Variants in ZNF236 observed in about 807,000 individuals in gnomAD.
ZNF236 encodes the protein regulated by glucose.
In ZNF236, 50 loss-of-function variants were observed where a neutral mutation model predicts 191.2. The ratio of observed to expected loss-of-function variants is 0.26; its 90% CI spans 0.21 to 0.33. The LOEUF (loss-of-function observed/expected upper bound fraction) is 0.33. ZNF236 is among the 10% of genes least tolerant of loss of function. ZNF236 has a pLI of 1.00. For synonymous variants in ZNF236, 907 were observed against 928.8 expected (o/e 0.98, Z 0.43); for missense variants, 1,754 against 2,374.5 (o/e 0.74, Z 5.43).
chr18:76,870,589 G>A (rs924804227), intron 4 of ZNF236, among the ~76,000 whole-genome samples: 1 of 152,200 alleles, frequency 6.6e-6, no homozygotes, highest in East Asian at 1.9e-4. Context: ...CACAGTTTCA[G>A]ATAGTGGTGA....
At position 76,968,206 on chromosome 18, in the gene ZNF236, G is replaced by A; in HGVS notation, c.5420-9G>A. ...GAGGCTGCTTGTGTTTTCTTTGTCT[G>A]CATAACAGGAGCTCTGCAGGAGTCT... On this transcript the variant is annotated splice_polypyrimidine_tract_variant and intron_variant, in intron 30 of 30. Coordinates refer to ENST00000320610, the MANE Select transcript of ZNF236 (RefSeq NM_001306089.2). 6.2e-7 allele frequency: 1 copy of A among 1,613,712 alleles called. No homozygotes were observed. The highest frequency in any genetic ancestry group is 8.5e-7 in the Non-Finnish European group (1 of 1,179,850).
intron 3 of ZNF236, among the ~76,000 whole-genome samples, chr18:76,861,100 G>A (rs956852768): frequency 1.3e-5 from 2 of 152,138 alleles, no homozygotes; most frequent in Admixed American, 6.5e-5. Flanking sequence ...ATGAGCAGAG[G>A]GGAAAAAGGC....
At chr18:76,959,019 T>C (rs544920747) in intron 28 of ZNF236, among the ~76,000 whole-genome samples, 8 of 152,256 alleles carry the variant, frequency 5.3e-5, no homozygotes, top group Admixed American at 5.2e-4. Context: ...TTGCACATCC[T>C]CAGGTGCCTG....
rs761205406 is a variant in ZNF236, at chr18:76,912,336, G to A, written c.2898G>A (p.Arg966=). The part of the protein sequence containing the change: ...QFLEDNEDQS[R]RSYRCDYCNK... ...TGGAGGACAACGAGGACCAGAGCAG[G>A]CGCTCTTACAGGTAGTTGTCTGCAC... The change falls in exon 17 of 31, where the codon AGG becomes AGA. Residue 966 remains arginine, a synonymous_variant. Transcript: ENST00000320610. 1.9e-6 allele frequency: 3 copies of A among 1,613,674 alleles called. No individual in the cohort carries two copies. The East Asian group carries it at 6.7e-5, about 36-fold the overall frequency.
intron 11 of ZNF236, among the ~76,000 whole-genome samples, chr18:76,903,434 C>A (rs140416019): frequency 2.6e-5 from 4 of 152,108 alleles, no homozygotes; most frequent in South Asian, 2.1e-4. Context: ...GAAATTGAAA[C>A]GGAATCTGTA....
At chr18:76,836,671 G>A (rs972530866) in intron 1 of ZNF236, among the ~76,000 whole-genome samples, 51 of 151,296 alleles carry the variant, frequency 3.4e-4, no homozygotes, top group Non-Finnish European at 5.5e-4. Flanking sequence ...TCTGCTTCCC[G>A]GGTTCATGCC....
rs149021996 is a variant in ZNF236 at position 76,945,368 on chromosome 18, G to A, written c.4783-2153G>A. Reference sequence around the variant, plus strand: ...TTTTTCAAATTGGGTAGTCTGATAAGGGTGGTGGCAGCAGCTGTCAACAGA... The same window carrying A: ...TTTTTCAAATTGGGTAGTCTGATAAAGGTGGTGGCAGCAGCTGTCAACAGA... On this transcript the variant is annotated intron_variant, in intron 26 of 30. Transcript: ENST00000320610. Among the ~76,000 whole-genome samples, 340 of 152,334 alleles carry A rather than the reference G, an allele frequency of 2.2e-3. 2 individuals are homozygous for A. The highest frequency in any genetic ancestry group is 3.5e-3 in the Non-Finnish European group (240 of 68,028).
At chr18:76,879,422 C>T (rs992429577) in intron 7 of ZNF236, among the ~76,000 whole-genome samples, 7 of 152,128 alleles carry the variant, frequency 4.6e-5, no homozygotes, top group Admixed American at 2.0e-4. Flanking sequence ...AACTGGTGAA[C>T]GAATGTGGAT....
chr18:76,845,900 G>A (rs964452173), intron 1 of ZNF236, among the ~76,000 whole-genome samples: 4 of 151,896 alleles, frequency 2.6e-5, no homozygotes, highest in African/African-American at 4.8e-5. Flanking sequence ...ATGAAGAGGC[G>A]GTCATTCATT....
intron 1 of ZNF236, among the ~76,000 whole-genome samples, chr18:76,841,362 G>A (rs1029219832): frequency 7.9e-5 from 12 of 152,200 alleles, no homozygotes; most frequent in East Asian, 7.7e-4. Flanking sequence ...GTGAGCCTCC[G>A]CGCCCGGCCA....
chr18:76,859,867 G>A (rs1599339433), intron 3 of ZNF236, among the ~76,000 whole-genome samples: 1 of 152,142 alleles, frequency 6.6e-6, no homozygotes, highest in East Asian at 1.9e-4. Flanking sequence ...AAAAACATGG[G>A]GTGGCCTGAG....
chr18:76,912,932 C>T (rs1301699879), intron 17 of ZNF236, among the ~76,000 whole-genome samples: 1 of 152,202 alleles, frequency 6.6e-6, no homozygotes, highest in Admixed American at 6.5e-5. Flanking sequence ...GGATTACAGG[C>T]GTGAGCCACC....
chr18:76,905,091 C>G, intron 12 of ZNF236, 64 bp from the exon 13 acceptor site: 1 of 1,467,894 alleles, frequency 6.8e-7, no homozygotes, highest in Non-Finnish European at 9.2e-7. Context: ...AGAGTGCATT[C>G]TAGTCACAAA....
chr18:76,877,933 T>C, intron 6 of ZNF236, 76 bp from the exon 7 acceptor site: 1 of 1,178,230 alleles, frequency 8.5e-7, no homozygotes, highest in East Asian at 2.5e-5. Context: ...TGGTAAATTA[T>C]GATTTGCCAT....
Position 76,880,356 on chromosome 18 carries a change from G to T in ZNF236, c.1188+40G>T, listed in dbSNP as rs955281885. On this transcript the variant is annotated intron_variant, in intron 8 of 30. Coordinates refer to ENST00000320610, the MANE Select transcript of ZNF236 (RefSeq NM_001306089.2). This position sits in a 1 kb window ranked among gnomAD's most constrained non-coding sequence, Gnocchi z 5.0. ...CCTGCGGTGTGAGGCTTACGTGCTC[G>T]TGCTGGGTCAGAAACCAGGGATGAT... The T allele has an allele frequency of 6.4e-7, 1 of 1,555,136 alleles. No individual in the cohort carries two copies. Among genetic ancestry groups the T allele is most frequent in the East Asian group, 2.3e-5 (1 of 43,494 alleles).
chr18:76,855,319 T>C (rs569661989), intron 3 of ZNF236, among the ~76,000 whole-genome samples: 1 of 152,334 alleles, frequency 6.6e-6, no homozygotes, highest in East Asian at 1.9e-4. Flanking sequence ...AATCAAACAA[T>C]AGAGAAGGCT....
intron 30 of ZNF236, among the ~76,000 whole-genome samples, chr18:76,964,117 T>G (rs1968720740): frequency 2.0e-5 from 3 of 152,208 alleles, no homozygotes; most frequent in Non-Finnish European, 1.5e-5. Flanking sequence ...TGGTTTTGGT[T>G]TGTTCTTGTT....
At chr18:76,951,277 A>G (rs1968400845) in intron 27 of ZNF236, among the ~76,000 whole-genome samples, 1 of 152,196 alleles carries the variant, frequency 6.6e-6, no homozygotes, top group African/African-American at 2.4e-5. Context: ...AAAGTCCTAG[A>G]GCCATCTTCT....
chr18:76,899,184 A>T lies in ZNF236; in HGVS notation c.1856A>T (p.Asp619Val), dbSNP rs1241881515. 1 of 1,614,162 alleles carries T rather than the reference A, an allele frequency of 6.2e-7. No homozygotes were observed. The highest frequency in any genetic ancestry group is 1.7e-5 in the Admixed American group (1 of 60,036). The change falls in exon 11 of 31, where the codon GAT becomes GTT. Residue 619 changes from aspartate to valine, a missense_variant. Asp to Val is a radical substitution (Grantham distance 152). Transcript: ENST00000320610. ...GGCAAGACGAATATTCCAGTCCCTG[A>T]TATTCCTTTGCAGGAACCAATCCTC... Reference protein sequence around the residue: ...RVGKTNIPVPDIPLQEPILIT... With the variant: ...RVGKTNIPVPVIPLQEPILIT...
Sources: gnomAD v4.1 joint callset for allele counts (sites outside exome capture counted in the v4.1 genomes callset) on GRCh38, gnomAD v4.1.1 for gene constraint, Gnocchi (gnomAD v3.1) non-coding constraint, MANE v1.5 for transcripts, NCBI Gene and HGNC (gene_info 2026-07-23, HGNC 2026-07-21) for gene names.